Variants in SLC9B1 observed in about 807,000 individuals in gnomAD.
The protein encoded by SLC9B1 is sodium/hydrogen exchanger 9B1.
Under a neutral mutation model 51.7 loss-of-function variants are expected in SLC9B1, and 32 were observed. The ratio of observed to expected loss-of-function variants is 0.62; its 90% CI spans 0.47 to 0.83. The LOEUF is 0.83. SLC9B1 is among the 40% of genes least tolerant of loss of function. The pLI is 0.00. For synonymous variants in SLC9B1, 145 were observed against 212.7 expected (o/e 0.68, Z 2.77); for missense variants, 406 against 613.2 (o/e 0.66, Z 3.57).
chr4:102,974,202 A>G (rs1028997708), intron 3 of SLC9B1, among the ~76,000 whole-genome samples: 10 of 139,120 alleles, frequency 7.2e-5, no homozygotes, highest in African/African-American at 2.4e-4. Flanking sequence ...GGGCCACTGC[A>G]TTCCAGCCTG....
intron 1 of SLC9B1, among the ~76,000 whole-genome samples, chr4:102,995,738 T>C (rs1350719615): frequency 3.9e-5 from 6 of 152,186 alleles, no homozygotes; most frequent in African/African-American, 9.7e-5. Flanking sequence ...TCTTCTCTTA[T>C]CTTTTCATAA....
intron 3 of SLC9B1, chr4:102,962,382 T>C (rs1738183413): frequency 1.9e-6 from 1 of 538,032 alleles, no homozygotes; most frequent in African/African-American, 1.9e-5. Context: ...TTTTTAAATA[T>C]CTTTGAGCAG....
chr4:102,890,806 C>CAATAAGTAAGCTACT (rs1327456037), intron 11 of SLC9B1: 21 of 128,380 alleles, frequency 1.6e-4, no homozygotes, highest in African/African-American at 6.2e-4. Flanking sequence ...TGCCACTGCA[C>CAATAAGTAAGCTACT]TCCAGCCTGG....
chr4:102,937,152 G>C (rs1443242412), intron 6 of SLC9B1, among the ~76,000 whole-genome samples: 2 of 151,990 alleles, frequency 1.3e-5, no homozygotes, highest in Admixed American at 6.6e-5. Flanking sequence ...GCCCAGGCTA[G>C]AGTGGACTGG....
At position 102,945,199 on chromosome 4, in the gene SLC9B1, A is replaced by G; in HGVS notation, c.647T>C (p.Leu216Pro). The G allele has an allele frequency of 6.3e-7, 1 of 1,598,946 alleles. No individual in the cohort carries two copies. Among genetic ancestry groups the G allele is most frequent in the Non-Finnish European group, 8.5e-7 (1 of 1,171,262 alleles). Residue 216 changes from leucine (L) to proline (P), a missense_variant, in exon 6 of 12, where the codon CTA becomes CCA. By Grantham distance (98) the Leu-to-Pro change is moderately conservative (BLOSUM62 -3). Around this residue, in one of 6 missense-constraint regions of SLC9B1, gnomAD observed 250 missense variants for 394.1 expected, o/e 0.63. Transcript: ENST00000296422. ...AAAATGAGAAAGAAATTACCCTAATAGAAATGCCCATTGCCAGGGAAATTT... is the reference window on the plus strand; with the variant it reads ...AAAATGAGAAAGAAATTACCCTAATGGAAATGCCCATTGCCAGGGAAATTT... ...IMKFPWQWAFLLGFVLGAVSP... is the reference protein window; with the variant it reads ...IMKFPWQWAFPLGFVLGAVSP...
chr4:102,939,406 CAAAAAAAAA>C (rs56014819), intron 6 of SLC9B1, among the ~76,000 whole-genome samples: 4 of 68,256 alleles, frequency 5.9e-5, no homozygotes, highest in Non-Finnish European at 1.1e-4. Context: ...GTCTCTGAGC[CAAAAAAAAA>C]AAAAAAAAAA....
chr4:102,899,729 G>A (rs6815526), downstream of SLC9B1, among the ~76,000 whole-genome samples: 87,571 of 151,922 alleles, frequency 0.58, 26,522 homozygotes, highest in African/African-American at 0.78. Context: ...TTATTTTCTT[G>A]TAAGTGACAA....
At chr4:103,019,512 CG>C (rs2110553922) in intron 1 of SLC9B1, 86 bp downstream of exon 1, 1 of 914,108 alleles carries the variant, frequency 1.1e-6, no homozygotes, top group African/African-American at 1.8e-5. Flanking sequence ...GGCCCTCCTG[CG>C]GCCTACCGCA....
At position 102,921,161 on chromosome 4, in the gene SLC9B1, G is replaced by C. The variant is rs1268242253; in HGVS notation, c.830-9624C>G. On this transcript the variant is annotated intron_variant, in intron 7 of 11. Transcript: ENST00000296422. ...AAAAAGTGTTAAGGGCACCCAGAGA[G>C]AAAGGTCAGGTTAGCCAGAAAGGGA... 2.6e-5 allele frequency among the ~76,000 whole-genome samples: 4 copies of C among 152,184 alleles called. No homozygotes were observed. In the East Asian group the frequency reaches 7.7e-4, roughly 29 times the overall value.
chr4:102,936,811 A>G lies in SLC9B1; in HGVS notation c.654-4512T>C, dbSNP rs112896255. Among the ~76,000 whole-genome samples, 507 of 152,336 alleles carry G rather than the reference A, an allele frequency of 3.3e-3. 5 individuals carry two copies. The highest frequency in any genetic ancestry group is 0.017 in the Middle Eastern group (5 of 294). On this transcript the variant is annotated intron_variant, in intron 6 of 11. Transcript: ENST00000296422. ...CAAAGAAAGGGAGAAAGAATAAGCA[A>G]GTTGGAAAACATATTTGAGGATACT... is the stretch of plus-strand genomic sequence containing the variant.
intron 7 of SLC9B1, among the ~76,000 whole-genome samples, chr4:102,923,827 T>C (rs1736011480): frequency 1.3e-5 from 2 of 151,984 alleles, no homozygotes. Context: ...GAGAATAAAA[T>C]ACCTAGGAAT....
intron 11 of SLC9B1, among the ~76,000 whole-genome samples, chr4:102,895,091 A>T (rs1232455329): frequency 6.6e-6 from 1 of 152,214 alleles, no homozygotes; most frequent in Non-Finnish European, 1.5e-5. Context: ...AAAAAAGACT[A>T]TTGAGAGGAA....
At chr4:102,998,559 T>G (rs1292488815) in intron 1 of SLC9B1, among the ~76,000 whole-genome samples, 2 of 152,050 alleles carry the variant, frequency 1.3e-5, no homozygotes, top group Admixed American at 1.3e-4. Context: ...TGATGGATCA[T>G]ATGGTAATTC....
At chr4:102,978,370 G>A (rs546425035) in intron 3 of SLC9B1, among the ~76,000 whole-genome samples, 1 of 152,176 alleles carries the variant, frequency 6.6e-6, no homozygotes, top group African/African-American at 2.4e-5. Flanking sequence ...CCATCAGAGT[G>A]AACAGGCAAC....
chr4:102,913,451 T>C (rs991494375), intron 7 of SLC9B1, among the ~76,000 whole-genome samples: 1 of 152,176 alleles, frequency 6.6e-6, no homozygotes, highest in Non-Finnish European at 1.5e-5. Context: ...TGCTAGAACC[T>C]ATAGCCATGC....
chr4:102,913,796 T>TAAAAAAAAAAAAAAAAAA (rs61244946), intron 7 of SLC9B1, among the ~76,000 whole-genome samples: 14 of 71,442 alleles, frequency 2.0e-4, no homozygotes, highest in African/African-American at 3.7e-4. Context: ...AGATAGAAAC[T>TAAAAAAAAAAAAAAAAAA]AAAAAAAAAA....
downstream of SLC9B1, among the ~76,000 whole-genome samples, chr4:102,899,633 C>T (rs1304340375): frequency 8.6e-5 from 13 of 151,900 alleles, no homozygotes; most frequent in Non-Finnish European, 1.9e-4. Context: ...AGGTTGGTCT[C>T]GAACTCCTGA....
At chr4:103,017,560 T>C (rs1741442154) in intron 1 of SLC9B1, among the ~76,000 whole-genome samples, 1 of 152,208 alleles carries the variant, frequency 6.6e-6, no homozygotes, top group Non-Finnish European at 1.5e-5. Flanking sequence ...GCCAAGTTCT[T>C]TCCTTCCTTA....
downstream of SLC9B1, among the ~76,000 whole-genome samples, chr4:102,900,343 T>TAA (rs1734727483): frequency 2.0e-5 from 3 of 152,248 alleles, no homozygotes; most frequent in African/African-American, 7.2e-5. Context: ...TAATTCTATA[T>TAA]TACTAAGGAG....
Sources: allele counts gnomAD v4.1 joint callset (sites outside exome capture counted in the v4.1 genomes callset), GRCh38; gene constraint gnomAD v4.1.1; regional missense constraint gnomAD v4.1.1; transcripts MANE v1.5; gene names NCBI Gene and HGNC (gene_info 2026-07-23, HGNC 2026-07-21).